TRIO: variants seen among roughly 807,000 people sequenced by gnomAD.
The protein encoded by TRIO is trio Rho guanine nucleotide exchange factor, also known as triple functional domain protein.
TRIO carries 58 observed loss-of-function variants against 351.9 expected under a neutral mutation model. That is an observed-to-expected ratio of 0.16 (90% confidence interval 0.13 to 0.21). The LOEUF is 0.21. TRIO is among the 10% of genes least tolerant of loss of function. The probability of loss-of-function intolerance (pLI) is 1.00; values close to 1 mark genes in which losing one functional copy is unlikely to be tolerated. For missense variants in TRIO, 3,201 were observed against 4,027.8 expected (o/e 0.79, Z 5.56); for synonymous variants, 1,758 against 1,595.7 (o/e 1.10, Z -2.42).
At chr5:14,304,993 A>C (rs1738234126) in intron 8 of TRIO, among the ~76,000 whole-genome samples, 1 of 152,236 alleles carries the variant, frequency 6.6e-6, no homozygotes, top group Admixed American at 6.5e-5. Context: ...CTATTTTAGA[A>C]ATCTAAGTGT....
intron 1 of TRIO, among the ~76,000 whole-genome samples, chr5:14,169,510 T>G (rs1788975130): frequency 6.6e-6 from 1 of 152,266 alleles, no homozygotes; most frequent in African/African-American, 2.4e-5. Flanking sequence ...CCCAGTTTCA[T>G]AAATTCTTAG....
chr5:14,311,107 T>G (rs1043819355), intron 8 of TRIO, among the ~76,000 whole-genome samples: 4 of 152,218 alleles, frequency 2.6e-5, no homozygotes, highest in Non-Finnish European at 4.4e-5. Context: ...GACAGCTGTC[T>G]TCTTCTCACC....
intron 34 of TRIO, among the ~76,000 whole-genome samples, chr5:14,457,093 G>T (rs1355621488): frequency 6.6e-6 from 1 of 152,048 alleles, no homozygotes; most frequent in Non-Finnish European, 1.5e-5. Context: ...TAAAGAGAAG[G>T]GGTCATTATT....
At chr5:14,144,717 C>A (rs1251778780) in intron 1 of TRIO, among the ~76,000 whole-genome samples, 4 of 151,984 alleles carry the variant, frequency 2.6e-5, no homozygotes, top group Non-Finnish European at 5.9e-5. Flanking sequence ...GGCGACCGGT[C>A]CGCGGGAGGG....
At chr5:14,229,279 C>T (rs1793251329) in intron 1 of TRIO, among the ~76,000 whole-genome samples, 2 of 152,200 alleles carry the variant, frequency 1.3e-5, no homozygotes, top group African/African-American at 4.8e-5. Flanking sequence ...AGCTACTGAG[C>T]TCTGCAGTTG....
intron 1 of TRIO, among the ~76,000 whole-genome samples, chr5:14,238,706 A>G (rs1215348636): frequency 6.6e-6 from 1 of 152,168 alleles, no homozygotes; most frequent in African/African-American, 2.4e-5. Context: ...AAATCTTACA[A>G]TGTAGGATCC....
intron 20 of TRIO, among the ~76,000 whole-genome samples, chr5:14,380,167 G>A (rs1380541723): frequency 6.6e-6 from 1 of 152,184 alleles, no homozygotes; most frequent in Admixed American, 6.5e-5. Flanking sequence ...TTTATGAGAA[G>A]CAGAACTGCA....
intron 8 of TRIO, among the ~76,000 whole-genome samples, chr5:14,313,490 T>C (rs990775863): frequency 2.0e-5 from 3 of 152,226 alleles, no homozygotes; most frequent in Non-Finnish European, 2.9e-5. Flanking sequence ...GGATGAGTTT[T>C]GGAAACTTGC....
At chr5:14,360,377 C>T (rs911081888) in intron 13 of TRIO, among the ~76,000 whole-genome samples, 4 of 152,142 alleles carry the variant, frequency 2.6e-5, no homozygotes, top group Admixed American at 1.3e-4. Context: ...GGGAACGTGA[C>T]GTAAGGAGCC....
At chr5:14,255,754 T>G (rs1794989693) in intron 1 of TRIO, among the ~76,000 whole-genome samples, 1 of 152,192 alleles carries the variant, frequency 6.6e-6, no homozygotes. Context: ...TACATAAAGT[T>G]TTGATGTGCT....
chr5:14,477,013 G>C, intron 41 of TRIO, 50 bp downstream of exon 41: 1 of 1,527,650 alleles, frequency 6.5e-7, no homozygotes, highest in Non-Finnish European at 9.0e-7. Flanking sequence ...GTCATCCTTA[G>C]TCACTGGTTT....
chr5:14,483,950 A>G (rs1047983639), intron 46 of TRIO, among the ~76,000 whole-genome samples: 1 of 151,820 alleles, frequency 6.6e-6, no homozygotes, highest in South Asian at 2.1e-4. Flanking sequence ...AACTGCACCC[A>G]TACGCTGAGC....
intron 34 of TRIO, 92 bp from the exon 35 acceptor site, chr5:14,460,927 T>A: frequency 7.1e-7 from 1 of 1,410,550 alleles, no homozygotes; most frequent in Non-Finnish European, 9.4e-7. Context: ...CCAGGCCCAC[T>A]GGCTTCCCTG....
At chr5:14,252,966 G>A (rs996507395) in intron 1 of TRIO, among the ~76,000 whole-genome samples, 1 of 150,840 alleles carries the variant, frequency 6.6e-6, no homozygotes, top group South Asian at 2.1e-4. Flanking sequence ...CTATCATTTC[G>A]CCTCACTGGG....
chr5:14,410,554 G>A (rs1305891918), intron 33 of TRIO, among the ~76,000 whole-genome samples: 1 of 152,230 alleles, frequency 6.6e-6, no homozygotes, highest in Non-Finnish European at 1.5e-5. Flanking sequence ...GCAGGCAGAT[G>A]GATCTGGCAA....
chr5:14,257,543 T>C (rs1354351652), intron 1 of TRIO, among the ~76,000 whole-genome samples: 1 of 152,122 alleles, frequency 6.6e-6, no homozygotes, highest in Non-Finnish European at 1.5e-5. Context: ...AGCAGGACCC[T>C]GAGAGTGCTC....
At chr5:14,356,878 G>GTACA (rs537005660) in intron 11 of TRIO, among the ~76,000 whole-genome samples, 2 of 149,574 alleles carry the variant, frequency 1.3e-5, no homozygotes, top group Admixed American at 1.3e-4. Flanking sequence ...AAAAAAAAGA[G>GTACA]TACATACTGT....
At chr5:14,385,460 A>G (rs1212061664) in intron 21 of TRIO, among the ~76,000 whole-genome samples, 1 of 152,264 alleles carries the variant, frequency 6.6e-6, no homozygotes, top group African/African-American at 2.4e-5. Flanking sequence ...CTGATCAGGA[A>G]GGACAACTAG....
At chr5:14,351,223 A>G (rs907358922) in intron 11 of TRIO, among the ~76,000 whole-genome samples, 2 of 152,188 alleles carry the variant, frequency 1.3e-5, no homozygotes, top group African/African-American at 4.8e-5. Flanking sequence ...CTTTCTTATC[A>G]GGGCAGCAGG....
Sources: gnomAD v4.1 joint callset for allele counts (sites outside exome capture counted in the v4.1 genomes callset) on GRCh38, gnomAD v4.1.1 for gene constraint, MANE v1.5 for transcripts, NCBI Gene and HGNC (gene_info 2026-07-23, HGNC 2026-07-21) for gene names.